PDE6C: variants seen among roughly 807,000 people sequenced by gnomAD.
PDE6C encodes the protein cone cGMP-specific 3',5'-cyclic phosphodiesterase subunit alpha'.
Under a neutral mutation model 113.1 loss-of-function variants are expected in PDE6C, and 75 were observed. The ratio of observed to expected loss-of-function variants is 0.66; its 90% CI spans 0.55 to 0.80. The LOEUF (loss-of-function observed/expected upper bound fraction) is 0.80. Among genes scored for constraint, PDE6C ranks in the 30% least tolerant of loss-of-function variants. PDE6C has a pLI of 0.00. For synonymous variants in PDE6C, 375 were observed against 363.7 expected, an observed-to-expected ratio of 1.03 and a Z score of -0.35; for missense variants, 912 against 1,038.6, an observed-to-expected ratio of 0.88 and a Z score of 1.67.
At chr10:93,651,376 G>A (rs2058609101) in intron 15 of PDE6C, among the ~76,000 whole-genome samples, 1 of 152,192 alleles carries the variant, frequency 6.6e-6, no homozygotes, top group African/African-American at 2.4e-5. Flanking sequence ...TGCACTGCTG[G>A]GGAGGCCTCA....
chr10:93,636,012 A>G (rs953787173), intron 10 of PDE6C, among the ~76,000 whole-genome samples: 1 of 152,292 alleles, frequency 6.6e-6, no homozygotes, highest in African/African-American at 2.4e-5. Context: ...TCTCACTCAC[A>G]TTTGTGGGTT....
At chr10:93,646,559 G>GCA (rs1321292431) in intron 15 of PDE6C, among the ~76,000 whole-genome samples, 1 of 152,162 alleles carries the variant, frequency 6.6e-6, no homozygotes, top group East Asian at 1.9e-4. Flanking sequence ...TGTACAGGAA[G>GCA]CACGGCAGCA....
At chr10:93,640,346 AC>A (rs1179797624) in intron 12 of PDE6C, 103 bp from the exon 13 acceptor site, 66 of 1,231,380 alleles carry the variant, frequency 5.4e-5, no homozygotes, top group Non-Finnish European at 6.9e-5. Flanking sequence ...CATCAGCTTA[AC>A]CCCTATCTAC....
intron 18 of PDE6C, among the ~76,000 whole-genome samples, chr10:93,659,552 A>G (rs2014325): frequency 0.77 from 117,342 of 152,024 alleles, 45,868 homozygotes; most frequent in East Asian, 0.94. Context: ...GGGAGGCCTC[A>G]CAATCATGGT....
chr10:93,662,487 T>G (rs1314570893), intron 19 of PDE6C, 73 bp from the exon 20 acceptor site: 3 of 632,634 alleles, frequency 4.7e-6, no homozygotes, highest in Non-Finnish European at 8.6e-6. Context: ...AAAAAAAAGT[T>G]ATCAGGACAA....
intron 4 of PDE6C, among the ~76,000 whole-genome samples, chr10:93,625,228 C>G (rs1371921449): frequency 4.6e-5 from 7 of 152,142 alleles, no homozygotes; most frequent in Non-Finnish European, 1.0e-4. Flanking sequence ...CTTGGCCAAG[C>G]CTTTTACCAG....
chr10:93,637,710 T>G (rs555942650), intron 11 of PDE6C, among the ~76,000 whole-genome samples: 1 of 152,366 alleles, frequency 6.6e-6, no homozygotes, highest in South Asian at 2.1e-4. Flanking sequence ...TTTTGACTAT[T>G]TTCCCCTGTA....
chr10:93,654,796 TTCTTTCTTTCTTTC>T (rs1564804817), intron 15 of PDE6C, among the ~76,000 whole-genome samples: 3 of 87,074 alleles, frequency 3.4e-5, no homozygotes, highest in African/African-American at 1.0e-4. Context: ...CTTTCTTTCT[TTCTTTCTTTCTTTC>T]TTTTTTTTTT....
intron 15 of PDE6C, among the ~76,000 whole-genome samples, chr10:93,651,635 C>A (rs1294184650): frequency 1.3e-5 from 2 of 152,288 alleles, no homozygotes; most frequent in East Asian, 3.9e-4. Context: ...GACACAGAGC[C>A]ATATCAACAC....
chr10:93,626,785 T>G lies in PDE6C; in HGVS notation c.1005-20T>G. On this transcript the variant is annotated intron_variant, in intron 6 of 21. Transcript: ENST00000371447. ...GCATTTCTCTATATTGCAATGATTTTTTTTCTTCTCTTCCCCAAGGACGCC... is the reference window on the plus strand; with the variant it reads ...GCATTTCTCTATATTGCAATGATTTGTTTTCTTCTCTTCCCCAAGGACGCC... The G allele has an allele frequency of 1.2e-6, 2 of 1,613,666 alleles. No homozygotes were observed. The highest frequency in any genetic ancestry group is 1.7e-6 in the Non-Finnish European group (2 of 1,179,542).
intron 10 of PDE6C, 118 bp downstream of exon 10, chr10:93,635,758 A>G: frequency 9.3e-7 from 1 of 1,075,068 alleles, no homozygotes; most frequent in South Asian, 1.3e-5. Context: ...GCTGAGAGAG[A>G]GAGACAGGGA....
At chr10:93,653,677 CAAAAAA>C (rs1211277229) in intron 15 of PDE6C, among the ~76,000 whole-genome samples, 1 of 149,512 alleles carries the variant, frequency 6.7e-6, no homozygotes, top group African/African-American at 2.5e-5. Flanking sequence ...AAAACAAAAA[CAAAAAA>C]AAACATTGAT....
intron 14 of PDE6C, among the ~76,000 whole-genome samples, chr10:93,641,655 A>T (rs1385548265): frequency 6.6e-6 from 1 of 152,140 alleles, no homozygotes; most frequent in Admixed American, 6.5e-5. Context: ...AAAAAAATTA[A>T]AAATAAAAAA....
chr10:93,626,407 T>A (rs1323135837), intron 5 of PDE6C, among the ~76,000 whole-genome samples: 1 of 152,218 alleles, frequency 6.6e-6, no homozygotes, highest in African/African-American at 2.4e-5. Flanking sequence ...AATTCAACTT[T>A]TTAAAAACAA....
chr10:93,620,949 A>G lies in PDE6C; in HGVS notation c.692A>G (p.Tyr231Cys), dbSNP rs1473910480. 3.1e-6 allele frequency: 5 copies of G among 1,613,862 alleles called. No individual in the cohort carries two copies. Among genetic ancestry groups the G allele is most frequent in the Admixed American group, 1.7e-5 (1 of 60,004 alleles). Reference sequence around the variant, plus strand: ...ATCCTAAGGCTTCATCACACCAGCTACATGTACAATATTGAATCCCGAAGA... The same window carrying G: ...ATCCTAAGGCTTCATCACACCAGCTGCATGTACAATATTGAATCCCGAAGA... Reference protein sequence around the residue: ...SIILRLHHTSYMYNIESRRSQ... With the variant: ...SIILRLHHTSCMYNIESRRSQ... Residue 231 changes from tyrosine (Y) to cysteine (C), a missense_variant, in exon 3 of 22, where the codon TAC becomes TGC. Coordinates refer to ENST00000371447, the MANE Select transcript of PDE6C (RefSeq NM_006204.4).
chr10:93,638,146 T>C (rs939422942), intron 11 of PDE6C, among the ~76,000 whole-genome samples: 12 of 152,186 alleles, frequency 7.9e-5, no homozygotes, highest in Admixed American at 6.5e-5. Context: ...TCACACTTAA[T>C]TTCCTTACTA....
At chr10:93,664,407 A>G (rs542175394) in intron 21 of PDE6C, among the ~76,000 whole-genome samples, 2 of 152,296 alleles carry the variant, frequency 1.3e-5, no homozygotes, top group Admixed American at 6.5e-5. Flanking sequence ...TGGAGTCTAG[A>G]GAGTAAAGAG....
Position 93,640,215 on chromosome 10 carries a change from A to G in PDE6C, c.1628A>G (p.Glu543Gly). ...NVVEKFKVPV[E>G]VLTRWMYTVR... ...GTGGAGAAATTCAAAGTACCTGTAGAGGTCAGAGGGTATTTAATTTAAAAT... is the reference window on the plus strand; with the variant it reads ...GTGGAGAAATTCAAAGTACCTGTAGGGGTCAGAGGGTATTTAATTTAAAAT... Residue 543 changes from glutamate to glycine, a missense_variant and splice_region_variant, in exon 12 of 22, where the codon GAG becomes GGG. Transcript: ENST00000371447. 6.2e-7 allele frequency: 1 copy of G among 1,611,930 alleles called. No homozygotes were observed. Among genetic ancestry groups the G allele is most frequent in the Non-Finnish European group, 8.5e-7 (1 of 1,177,966 alleles).
intron 8 of PDE6C, among the ~76,000 whole-genome samples, chr10:93,630,746 G>A (rs2058497407): frequency 6.6e-6 from 1 of 152,116 alleles, no homozygotes; most frequent in African/African-American, 2.4e-5. Context: ...CTCCTTAGCG[G>A]CAGAACCACA....
Sources: allele counts gnomAD v4.1 joint callset (sites outside exome capture counted in the v4.1 genomes callset), GRCh38; gene constraint gnomAD v4.1.1; transcripts MANE v1.5; gene names NCBI Gene and HGNC (gene_info 2026-07-23, HGNC 2026-07-21).